The following MTMR6 variants were observed in gnomAD, a reference collection of about 807,000 sequenced individuals.
MTMR6 encodes the protein myotubularin related protein 6, also known as phosphatidylinositol-3,5-bisphosphate 3-phosphatase MTMR6.
A neutral mutation model predicts 80.1 loss-of-function variants in MTMR6; 47 were observed. The observed-to-expected ratio is 0.59, with a 90% CI of 0.46 to 0.75. The LOEUF (loss-of-function observed/expected upper bound fraction) is 0.75, where lower values mean the gene tolerates loss of function less well. Among genes scored for constraint, MTMR6 ranks in the 30% least tolerant of loss-of-function variants. MTMR6 has a pLI of 0.00. For synonymous variants in MTMR6, 254 were observed against 253.0 expected (o/e 1.00, Z -0.04); for missense variants, 629 against 730.9 (o/e 0.86, Z 1.61).
chr13:25,246,312 G>T lies in MTMR6; in HGVS notation c.*2920C>A, dbSNP rs1408622643. 2 of 151,966 alleles carry T rather than the reference G, an allele frequency of 1.3e-5. No individual in the cohort carries two copies. The highest frequency in any genetic ancestry group is 2.9e-5 in the Non-Finnish European group (2 of 67,884). 9.4% of individuals were successfully genotyped at this position (151,966 alleles called of 1,614,324 possible). The stretch of plus-strand genomic sequence containing the variant: ...TACAATGGTATATATACTTTTTTTT[G>T]AGATAATTATTCTAGATTCCAGGCT... On this transcript the variant is annotated 3_prime_UTR_variant, in exon 14 of 14. Transcript: ENST00000381801.
In MTMR6 at chr13:25,249,312, T is replaced by C. The variant is rs145967757; in HGVS notation, c.1786A>G (p.Ser596Gly). 15 of 1,613,974 alleles carry C rather than the reference T, an allele frequency of 9.3e-6. No individual in the cohort carries two copies. The highest frequency in any genetic ancestry group is 1.3e-5 in the Non-Finnish European group (15 of 1,179,964). Residue 596 changes from serine (S) to glycine (G), a missense_variant, in exon 14 of 14, where the codon AGT becomes GGT. By Grantham distance (56) the Ser-to-Gly change is moderately conservative. Coordinates refer to ENST00000381801, the MANE Select transcript of MTMR6 (RefSeq NM_004685.5). ...EGSSPADNRY[S>G]EYAEEFSKSE... is the part of the protein sequence containing the mutation. Reference sequence around the variant, plus strand: ...TTAGAAAACTCTTCTGCATATTCACTATAACGATTATCTGCCGGGCTGCTG... The same window carrying C: ...TTAGAAAACTCTTCTGCATATTCACCATAACGATTATCTGCCGGGCTGCTG...
At chr13:25,267,670 A>T in intron 3 of MTMR6, 109 bp downstream of exon 3, 1 of 1,119,736 alleles carries the variant, frequency 8.9e-7, no homozygotes, top group Non-Finnish European at 1.2e-6. Flanking sequence ...AAAGAACCTG[A>T]CTGTCAGAGC....
chr13:25,254,064 G>T, intron 10 of MTMR6, 100 bp from the exon 11 acceptor site: 1 of 1,216,142 alleles, frequency 8.2e-7, no homozygotes, highest in Non-Finnish European at 1.1e-6. Flanking sequence ...CTAAAGCACT[G>T]TTACATTAGC....
intron 5 of MTMR6, 68 bp from the exon 6 acceptor site, chr13:25,261,870 GA>G (rs1487379237): frequency 2.0e-5 from 29 of 1,419,808 alleles, no homozygotes; most frequent in Admixed American, 1.0e-4. Flanking sequence ...ATGCTTACAA[GA>G]AAAAAAAGCC....
At chr13:25,259,385 G>A (rs556205585) in intron 6 of MTMR6, among the ~76,000 whole-genome samples, 14 of 152,284 alleles carry the variant, frequency 9.2e-5, no homozygotes, top group Middle Eastern at 3.4e-3. Context: ...TCCAGGCTAG[G>A]ATTTCATATA....
chr13:25,287,315 A>G lies in MTMR6; in HGVS notation c.-68T>C, dbSNP rs1957974361. The G allele has an allele frequency of 8.4e-6, 13 of 1,544,540 alleles. No homozygotes were observed. Among genetic ancestry groups the G allele is most frequent in the Non-Finnish European group, 1.1e-5 (13 of 1,147,114 alleles). On this transcript the variant is annotated 5_prime_UTR_variant, in exon 1 of 14. Transcript: ENST00000381801. ...ATACGGCTACAGAAACAGGGCGGTG[A>G]CAGCGACAGAGAGCAAGCGGGAACT...
chr13:25,264,238 G>A (rs1369158208), intron 5 of MTMR6, among the ~76,000 whole-genome samples: 1 of 147,678 alleles, frequency 6.8e-6, no homozygotes, highest in Non-Finnish European at 1.5e-5. Flanking sequence ...CTGGAGATGA[G>A]GTTGAGGAAA....
intron 8 of MTMR6, 25 bp from the exon 9 acceptor site, chr13:25,257,346 C>A (rs1387764103): frequency 3.7e-6 from 6 of 1,611,596 alleles, no homozygotes; most frequent in Non-Finnish European, 5.1e-6. Context: ...CACATACATT[C>A]TAGCGTACTT....
chr13:25,257,954 G>T, intron 7 of MTMR6, 109 bp from the exon 8 acceptor site: 1 of 624,198 alleles, frequency 1.6e-6, no homozygotes, highest in Non-Finnish European at 2.6e-6. Context: ...AAAATAAACA[G>T]GCAAGACTCT....
chr13:25,257,678 T>C, intron 8 of MTMR6, 58 bp downstream of exon 8: 1 of 1,269,848 alleles, frequency 7.9e-7, no homozygotes, highest in Non-Finnish European at 1.1e-6. Context: ...ACAGAATACA[T>C]CTACTCCTTC....
At chr13:25,261,304 A>T (rs1376308122) in intron 6 of MTMR6, among the ~76,000 whole-genome samples, 6 of 10,534 alleles carry the variant, frequency 5.7e-4, no homozygotes, top group African/African-American at 9.2e-4. Flanking sequence ...ACTCTGTCTT[A>T]AAAAAAAAAA....
intron 1 of MTMR6, among the ~76,000 whole-genome samples, chr13:25,285,091 A>G (rs1157251099): frequency 6.6e-6 from 1 of 152,230 alleles, no homozygotes; most frequent in Non-Finnish European, 1.5e-5. Context: ...CTGTGTAAAG[A>G]TAAGTCAAAA....
In MTMR6 at chr13:25,251,016, T is replaced by C. The variant is rs200678076; in HGVS notation, c.1605+633A>G. Among the ~76,000 whole-genome samples the C allele has an allele frequency of 2.0e-5, 3 of 152,018 alleles. No individual in the cohort carries two copies. Among genetic ancestry groups the C allele is most frequent in the Admixed American group, 6.6e-5 (1 of 15,248 alleles). On this transcript the variant is annotated intron_variant, in intron 13 of 13. Transcript: ENST00000381801. The surrounding 1 kb of genome is among the most constrained non-coding windows in gnomAD (Gnocchi z 4.1). ...TAGATCTATGTTTTATTTCTTTTTT[T>C]TTTGTTTGTTTTTGTTTTGAGATGG...
Position 25,251,252 on chromosome 13 carries a change from A to C in MTMR6, c.1605+397T>G, listed in dbSNP as rs1957081686. Among the ~76,000 whole-genome samples, 1 of 151,866 alleles carries C rather than the reference A, an allele frequency of 6.6e-6. No homozygotes were observed. On this transcript the variant is annotated intron_variant, in intron 13 of 13. Transcript: ENST00000381801. The surrounding 1 kb of genome is among the most constrained non-coding windows in gnomAD (Gnocchi z 4.1). ...ACCAGGCTGGTCTCAAACTCTCCTG[A>C]CCTGGTGATCCACCCGCCTCGGCCT...
chr13:25,281,160 T>G (rs1355949314), intron 1 of MTMR6, among the ~76,000 whole-genome samples: 2 of 152,092 alleles, frequency 1.3e-5, no homozygotes, highest in African/African-American at 2.4e-5. Context: ...CACCCTCATC[T>G]CTACAGAAAA....
rs769573063 is a variant in MTMR6, at chr13:25,257,228, C to T, written c.1063G>A (p.Asp355Asn). The T allele has an allele frequency of 1.2e-6, 2 of 1,613,764 alleles. No individual in the cohort carries two copies. Among genetic ancestry groups the T allele is most frequent in the Admixed American group, 3.3e-5 (2 of 59,990 alleles). The change falls in exon 9 of 14, where the codon GAT becomes AAT. Residue 355 changes from aspartate (D) to asparagine (N), a missense_variant. By Grantham distance (23) the Asp-to-Asn change is conservative (BLOSUM62 1). Coordinates refer to ENST00000381801, the MANE Select transcript of MTMR6 (RefSeq NM_004685.5). Reference sequence around the variant, plus strand: ...CCTTTGATTGTCCTGTAGTAGGAATCCAATAAAAGAGAACCCAGGGAACAA... The same window carrying T: ...CCTTTGATTGTCCTGTAGTAGGAATTCAATAAAAGAGAACCCAGGGAACAA... Reference protein sequence around the residue: ...QVCSLGSLLLDSYYRTIKGFM... With the variant: ...QVCSLGSLLLNSYYRTIKGFM...
chr13:25,261,000 A>C (rs1329806017), intron 6 of MTMR6, among the ~76,000 whole-genome samples: 1 of 152,132 alleles, frequency 6.6e-6, no homozygotes, highest in Non-Finnish European at 1.5e-5. Context: ...AAAATTCTTC[A>C]AAAAAGAATA....
chr13:25,263,653 G>A (rs1455112244), intron 5 of MTMR6, among the ~76,000 whole-genome samples: 2 of 152,176 alleles, frequency 1.3e-5, no homozygotes, highest in African/African-American at 2.4e-5. Flanking sequence ...TTGGGAGGCC[G>A]AGGCCGGTGG....
chr13:25,254,518 C>T (rs993133020), intron 9 of MTMR6, 84 bp from the exon 10 acceptor site: 4 of 915,998 alleles, frequency 4.4e-6, no homozygotes, highest in Non-Finnish European at 6.8e-6. Context: ...AGTTTAAAAA[C>T]AGTATTTACT....
Sources: gnomAD v4.1 joint callset for allele counts (sites outside exome capture counted in the v4.1 genomes callset) on GRCh38, gnomAD v4.1.1 for gene constraint, Gnocchi (gnomAD v3.1) non-coding constraint, MANE v1.5 for transcripts, NCBI Gene and HGNC (gene_info 2026-07-23, HGNC 2026-07-21) for gene names.